NEBL: variants seen among roughly 807,000 people sequenced by gnomAD.
NEBL encodes LIM and SH3 protein 2.
Under a neutral mutation model 140.2 loss-of-function variants are expected in NEBL, and 122 were observed. The ratio of observed to expected loss-of-function variants is 0.87; its 90% CI spans 0.75 to 1.01. NEBL has a LOEUF of 1.01. NEBL is among the 50% of genes least tolerant of loss of function. NEBL has a pLI of 0.00. For missense variants in NEBL, 1,365 were observed against 1,231.3 expected (o/e 1.11, Z -1.62); for synonymous variants, 436 against 398.9 (o/e 1.09, Z -1.11).
At chr10:21,174,060 C>T in exon 1 of NEBL, 1 of 1,091,418 alleles carries the variant, frequency 9.2e-7, no homozygotes, top group South Asian at 4.4e-5. Flanking sequence ...TGGGTCTCGG[C>T]TCCGGCTCCG....
chr10:21,228,438 G>A (rs958937706), intron 3 of NEBL, among the ~76,000 whole-genome samples: 1 of 152,160 alleles, frequency 6.6e-6, no homozygotes, highest in Non-Finnish European at 1.5e-5. Context: ...ACAGGCATGA[G>A]CAACTGTGCC....
intron 1 of NEBL, among the ~76,000 whole-genome samples, chr10:21,288,809 C>CGTGT (rs76161328): frequency 0.029 from 1,635 of 56,712 alleles, 75 homozygotes; most frequent in South Asian, 0.071. Flanking sequence ...ACAATATATA[C>CGTGT]GTGTGTGTGT....
chr10:21,230,988 A>G (rs1842241744), intron 3 of NEBL, among the ~76,000 whole-genome samples: 1 of 152,234 alleles, frequency 6.6e-6, no homozygotes, highest in Non-Finnish European at 1.5e-5. Context: ...AGCTATTAAA[A>G]TTCTGCTTTA....
At chr10:21,199,244 G>A (rs1176777977) in intron 3 of NEBL, among the ~76,000 whole-genome samples, 1 of 151,790 alleles carries the variant, frequency 6.6e-6, no homozygotes, top group Non-Finnish European at 1.5e-5. Context: ...TGTTGCTAAG[G>A]CTGGTCTCAA....
At chr10:20,980,915 G>C (rs1322214787) in intron 3 of NEBL, among the ~76,000 whole-genome samples, 1 of 152,148 alleles carries the variant, frequency 6.6e-6, no homozygotes, top group Admixed American at 6.5e-5. Flanking sequence ...CTGTGCTTAA[G>C]ACATTCCACC....
chr10:20,831,093 G>C (rs1258965609), intron 16 of NEBL, 103 bp downstream of exon 16: 2 of 867,958 alleles, frequency 2.3e-6, no homozygotes, highest in East Asian at 2.5e-5. Context: ...CACTAGCTCT[G>C]AATGCAATGC....
rs371105861 is a variant in NEBL, at chr10:20,869,824, G to A, written c.498C>T (p.Asp166=). The change falls in exon 6 of 28, where the codon GAC becomes GAT. Residue 166 remains aspartate, a synonymous_variant. Transcript: ENST00000377122. ...KHQSNISYRK[D]VQDTHTYSAE... is the part of the protein sequence containing the mutation. ...CACTGTACGTGTGGGTGTCCTGCAC[G>A]TCTTTCCTATAAGAAATCTGATCAG... is the stretch of plus-strand genomic sequence containing the variant. 83 of 1,611,588 alleles carry A rather than the reference G, an allele frequency of 5.2e-5. No homozygotes were observed. The highest frequency in any genetic ancestry group is 1.6e-4 in the Middle Eastern group (1 of 6,078).
chr10:20,997,983 A>G (rs1364447922), intron 3 of NEBL, among the ~76,000 whole-genome samples: 10 of 152,214 alleles, frequency 6.6e-5, no homozygotes, highest in Admixed American at 6.5e-4. Context: ...GAATGATGAA[A>G]ATCAAATGGA....
chr10:21,072,288 C>T (rs182906215), intron 2 of NEBL, among the ~76,000 whole-genome samples: 4 of 152,194 alleles, frequency 2.6e-5, no homozygotes, highest in East Asian at 1.9e-4. Context: ...TTTCCAGTTC[C>T]GTCTTTTATA....
At chr10:20,867,613 T>C (rs560850798) in intron 7 of NEBL, 1 of 152,280 alleles carries the variant, frequency 6.6e-6, no homozygotes, top group East Asian at 1.9e-4. Context: ...ATGTAGTATA[T>C]AGAGTCTCCT....
chr10:21,213,408 G>C (rs1423810851), intron 3 of NEBL, among the ~76,000 whole-genome samples: 1 of 152,200 alleles, frequency 6.6e-6, no homozygotes, highest in Non-Finnish European at 1.5e-5. Flanking sequence ...GAAAACCGGA[G>C]AGGAGCGGAG....
At chr10:21,115,253 A>G (rs1316704517) in intron 2 of NEBL, among the ~76,000 whole-genome samples, 1 of 152,014 alleles carries the variant, frequency 6.6e-6, no homozygotes, top group African/African-American at 2.4e-5. Flanking sequence ...CCTTGTTATA[A>G]TATTTGCTTT....
At chr10:21,030,722 A>T in intron 2 of NEBL, 1 of 461,028 alleles carries the variant, frequency 2.2e-6, no homozygotes, top group African/African-American at 2.0e-5. Flanking sequence ...AGAGGGAACA[A>T]AGACCACTGG....
intron 2 of NEBL, among the ~76,000 whole-genome samples, chr10:21,058,492 T>C (rs1249812991): frequency 6.6e-6 from 1 of 152,048 alleles, no homozygotes; most frequent in East Asian, 1.9e-4. Flanking sequence ...AAAGAACAAG[T>C]TGAAAACCTA....
intron 2 of NEBL, among the ~76,000 whole-genome samples, chr10:21,130,763 T>G (rs746589100): frequency 6.6e-5 from 10 of 152,020 alleles, no homozygotes; most frequent in Non-Finnish European, 1.5e-4. Context: ...ATTTATAACA[T>G]TGAATGCACT....
chr10:20,882,102 C>T (rs1295199669), intron 4 of NEBL, among the ~76,000 whole-genome samples: 1 of 151,814 alleles, frequency 6.6e-6, no homozygotes, highest in Non-Finnish European at 1.5e-5. Context: ...TGCCTGATCC[C>T]AGGAGGTCGA....
intron 2 of NEBL, among the ~76,000 whole-genome samples, chr10:21,071,056 C>A (rs934933737): frequency 1.3e-5 from 2 of 151,838 alleles, no homozygotes; most frequent in East Asian, 3.9e-4. Flanking sequence ...GCCTGTAGCC[C>A]AGCTGCTTAG....
intron 3 of NEBL, among the ~76,000 whole-genome samples, chr10:21,201,415 G>C (rs1225010024): frequency 6.6e-6 from 1 of 152,196 alleles, no homozygotes. Context: ...AGGTGCATCA[G>C]AATTTATTGT....
chr10:21,070,166 G>A (rs1835753385), intron 2 of NEBL, among the ~76,000 whole-genome samples: 1 of 152,154 alleles, frequency 6.6e-6, no homozygotes, highest in African/African-American at 2.4e-5. Flanking sequence ...CAGGACACTG[G>A]GGCTAAATAC....
Sources: gnomAD v4.1 joint callset for allele counts (sites outside exome capture counted in the v4.1 genomes callset) on GRCh38, gnomAD v4.1.1 for gene constraint, MANE v1.5 for transcripts, NCBI Gene and HGNC (gene_info 2026-07-23, HGNC 2026-07-21) for gene names.